ZNF516: variants seen among roughly 807,000 people sequenced by gnomAD.
The protein encoded by ZNF516 is zinc finger protein 516.
In ZNF516, 19 loss-of-function variants were observed where a neutral mutation model predicts 79.7. That is an observed-to-expected ratio of 0.24 (90% CI 0.17 to 0.35). The LOEUF is 0.35. Ranked by LOEUF, ZNF516 falls within the 10% of genes least tolerant of loss-of-function variation. ZNF516 has a pLI of 1.00. For synonymous variants in ZNF516, 877 were observed against 739.5 expected (o/e 1.19, Z -3.02); for missense variants, 1,678 against 1,679.5 (o/e 1.00, Z 0.02).
At chr18:76,405,204 C>A (rs1053043887) in intron 3 of ZNF516, among the ~76,000 whole-genome samples, 2 of 152,166 alleles carry the variant, frequency 1.3e-5, no homozygotes, top group African/African-American at 4.8e-5. Flanking sequence ...CCCAAGGGCC[C>A]CCCGAACTGT....
chr18:76,433,220 C>T (rs570382478), intron 3 of ZNF516, among the ~76,000 whole-genome samples: 1 of 152,296 alleles, frequency 6.6e-6, no homozygotes, highest in South Asian at 2.1e-4. Context: ...CACCACTGAC[C>T]GCTGAGTACT....
rs1233305468 is a variant in ZNF516, at chr18:76,360,645, AAAT to A, written c.*1850_*1852del. ...GAAAAAAATAAGTAAAAAAAAAAAA[AAAT>A]ATATATATATATATATATATATATA... is the stretch of plus-strand genomic sequence containing the variant. On this transcript the variant is annotated 3_prime_UTR_variant, in exon 7 of 7. Coordinates refer to ENST00000443185, the MANE Select transcript of ZNF516 (RefSeq NM_014643.4). The A allele has an allele frequency of 4.6e-4, 52 of 112,862 alleles. No individual in the cohort carries two copies. The highest frequency in any genetic ancestry group is 8.2e-4 in the Non-Finnish European group (44 of 53,474). The allele number at this position is 112,862 out of a possible 1,614,324, so 7.0% of individuals were successfully genotyped here. A position where few individuals can be genotyped will look rare whatever the true frequency, so the allele number is the denominator to read the frequency against.
intron 1 of ZNF516, among the ~76,000 whole-genome samples, chr18:76,473,901 T>TGG (rs1914015739): frequency 1.1e-4 from 1 of 8,714 alleles, no homozygotes; most frequent in Non-Finnish European, 3.2e-4. Flanking sequence ...GTTGTTTTTG[T>TGG]GTGGGGGGGG....
At chr18:76,397,376 A>G (rs2075161693) in intron 3 of ZNF516, among the ~76,000 whole-genome samples, 1 of 142,278 alleles carries the variant, frequency 7.0e-6, no homozygotes, top group Admixed American at 7.0e-5. Flanking sequence ...AAAAAAAAAG[A>G]AAAAAAAATC....
intron 3 of ZNF516, among the ~76,000 whole-genome samples, chr18:76,394,866 C>G (rs568054967): frequency 7.2e-5 from 11 of 151,792 alleles, no homozygotes; most frequent in Non-Finnish European, 1.5e-4. Flanking sequence ...CAGGTCAGAA[C>G]ACAGCCTCCA....
At chr18:76,401,390 T>TA (rs1200108105) in intron 3 of ZNF516, among the ~76,000 whole-genome samples, 2 of 152,144 alleles carry the variant, frequency 1.3e-5, no homozygotes, top group African/African-American at 4.8e-5. Context: ...GAGAAGGAGT[T>TA]ACAAAATAAT....
At chr18:76,418,585 G>A (rs191238919) in intron 3 of ZNF516, among the ~76,000 whole-genome samples, 50 of 151,882 alleles carry the variant, frequency 3.3e-4, no homozygotes, top group African/African-American at 1.0e-3. Context: ...CTAACTCCCC[G>A]GGTCACTGAT....
intron 3 of ZNF516, among the ~76,000 whole-genome samples, chr18:76,398,228 C>A (rs572339732): frequency 1.3e-5 from 2 of 152,330 alleles, no homozygotes; most frequent in South Asian, 2.1e-4. Flanking sequence ...CTACTCTACA[C>A]CTTACACACC....
intron 1 of ZNF516, among the ~76,000 whole-genome samples, chr18:76,468,935 A>G (rs1181550124): frequency 6.6e-6 from 1 of 152,216 alleles, no homozygotes; most frequent in Non-Finnish European, 1.5e-5. Flanking sequence ...GTCCTTCAAC[A>G]ATGGAAGGTC....
intron 3 of ZNF516, among the ~76,000 whole-genome samples, chr18:76,436,262 T>C (rs1193825772): frequency 6.6e-6 from 1 of 152,084 alleles, no homozygotes; most frequent in Non-Finnish European, 1.5e-5. Context: ...CTCCAGGCCA[T>C]GGAGTGGCGT....
intron 3 of ZNF516, among the ~76,000 whole-genome samples, chr18:76,435,916 G>A (rs2075727159): frequency 6.6e-6 from 1 of 152,228 alleles, no homozygotes; most frequent in African/African-American, 2.4e-5. Flanking sequence ...TTTGGTTAGG[G>A]AAAACACCCC....
intron 3 of ZNF516, among the ~76,000 whole-genome samples, chr18:76,427,876 A>G (rs1241437310): frequency 6.6e-6 from 1 of 152,222 alleles, no homozygotes; most frequent in African/African-American, 2.4e-5. Flanking sequence ...ACAAAAAAAA[A>G]TGAGAAAATG....
Position 76,392,144 on chromosome 18 carries a change from G to A in ZNF516, c.1811-11841C>T, listed in dbSNP as rs181611754. 5.4e-4 allele frequency among the ~76,000 whole-genome samples: 83 copies of A among 152,318 alleles called. 1 individual carries two copies. In the East Asian group the frequency reaches 0.013, roughly 23 times the overall value. On this transcript the variant is annotated intron_variant, in intron 3 of 6. Transcript: ENST00000443185. ...GACCAAAGAAACACAGTACGGCCAA[G>A]GGACAGGCCTTACATCCAGGGCTCA...
intron 2 of ZNF516, among the ~76,000 whole-genome samples, chr18:76,460,550 C>A (rs1158309004): frequency 6.6e-6 from 1 of 152,184 alleles, no homozygotes. Flanking sequence ...GAGGCCACAC[C>A]ATCCTGAGCA....
At chr18:76,367,731 T>C (rs1371184445) in intron 6 of ZNF516, among the ~76,000 whole-genome samples, 2 of 152,224 alleles carry the variant, frequency 1.3e-5, no homozygotes, top group African/African-American at 4.8e-5. Flanking sequence ...CATGGACCTT[T>C]TGAACCAGAG....
chr18:76,486,281 T>A (rs943939597), intron 1 of ZNF516, among the ~76,000 whole-genome samples: 4 of 152,176 alleles, frequency 2.6e-5, no homozygotes, highest in East Asian at 1.9e-4. Context: ...CTAAAATAAA[T>A]CAATGCCCAA....
At chr18:76,424,199 C>CT (rs2145405046) in intron 3 of ZNF516, among the ~76,000 whole-genome samples, 1 of 48,474 alleles carries the variant, frequency 2.1e-5, no homozygotes, top group Admixed American at 1.9e-4. Flanking sequence ...AAAAGGCTCC[C>CT]CCGAAACACA....
intron 2 of ZNF516, among the ~76,000 whole-genome samples, chr18:76,449,939 T>C (rs1179010737): frequency 6.6e-6 from 1 of 152,250 alleles, no homozygotes; most frequent in Non-Finnish European, 1.5e-5. Context: ...TATAATCATC[T>C]ACAACGAGCA....
In ZNF516 at chr18:76,433,161, T is replaced by C. The variant is rs371120973; in HGVS notation, c.1810+8084A>G. 3.0e-4 allele frequency among the ~76,000 whole-genome samples: 46 copies of C among 152,324 alleles called. 1 individual carries two copies. In the East Asian group the frequency reaches 5.6e-3, roughly 19 times the overall value. ...GCTGCGACTGCTGTTCATCGCTGTT[T>C]CTGTTATCAGACAGGAAGATCTCTA... is the stretch of plus-strand genomic sequence containing the variant. On this transcript the variant is annotated intron_variant, in intron 3 of 6. Transcript: ENST00000443185.
Sources: gnomAD v4.1 joint callset for allele counts (sites outside exome capture counted in the v4.1 genomes callset) on GRCh38, gnomAD v4.1.1 for gene constraint, MANE v1.5 for transcripts, NCBI Gene and HGNC (gene_info 2026-07-23, HGNC 2026-07-21) for gene names.